The following MYPN variants were observed in gnomAD, a reference collection of about 807,000 sequenced individuals.
MYPN encodes myopalladin, also known as sarcomeric protein myopalladin, 145 kDa (MYOP).
Under a neutral mutation model 129.4 loss-of-function variants are expected in MYPN, and 63 were observed. That is an observed-to-expected ratio of 0.49 (90% CI 0.40 to 0.60). The LOEUF (loss-of-function observed/expected upper bound fraction) is 0.60. Among genes scored for constraint, MYPN ranks in the 20% least tolerant of loss-of-function variants. MYPN has a pLI of 0.00. For synonymous variants in MYPN, 629 were observed against 600.9 expected (o/e 1.05, Z -0.68); for missense variants, 1,596 against 1,635.4 (o/e 0.98, Z 0.42).
At chr10:68,207,333 G>A (rs2043833590) in intron 19 of MYPN, among the ~76,000 whole-genome samples, 1 of 152,138 alleles carries the variant, frequency 6.6e-6, no homozygotes, top group East Asian at 1.9e-4. Context: ...ATATTTTAGT[G>A]CTTAAGAGAT....
chr10:68,180,080 T>G (rs1446093373), intron 12 of MYPN, among the ~76,000 whole-genome samples: 1 of 152,216 alleles, frequency 6.6e-6, no homozygotes, highest in African/African-American at 2.4e-5. Flanking sequence ...TAGCACATAA[T>G]AGGTACTTAC....
chr10:68,099,282 C>G (rs920770821), intron 1 of MYPN, among the ~76,000 whole-genome samples: 1 of 152,126 alleles, frequency 6.6e-6, no homozygotes, highest in Non-Finnish European at 1.5e-5. Context: ...CATGGCCTTT[C>G]TAGTGCTTAA....
At chr10:68,138,031 A>G (rs1272719289) in intron 2 of MYPN, among the ~76,000 whole-genome samples, 1 of 152,122 alleles carries the variant, frequency 6.6e-6, no homozygotes, top group Non-Finnish European at 1.5e-5. Context: ...CAAGGTGGAG[A>G]TTAATAAAAG....
chr10:68,140,584 T>C (rs1393336435), intron 2 of MYPN, among the ~76,000 whole-genome samples: 1 of 151,544 alleles, frequency 6.6e-6, no homozygotes, highest in African/African-American at 2.4e-5. Flanking sequence ...GTGGAGGAGG[T>C]AATATCTGAG....
chr10:68,098,451 A>G lies in MYPN; in HGVS notation c.-2+10459A>G, dbSNP rs541009153. On this transcript the variant is annotated intron_variant, in intron 1 of 6. Transcript: ENST00000685154. ...TTAATTCCAACACATAGTTCACATG[A>G]TTGGTGAACAAATGACAAACAGGCA... 2.0e-5 allele frequency among the ~76,000 whole-genome samples: 3 copies of G among 152,300 alleles called. 1 individual carries two copies. The highest frequency in any genetic ancestry group is 7.2e-5 in the African/African-American group (3 of 41,570).
At chr10:68,207,026 G>A (rs1589619595) in intron 19 of MYPN, 123 bp downstream of exon 19, 4 of 1,230,736 alleles carry the variant, frequency 3.3e-6, no homozygotes, top group African/African-American at 3.0e-5. Flanking sequence ...GGGAGGCCGA[G>A]GCAGGCAGAT....
chr10:68,136,985 T>G (rs1564655729), intron 2 of MYPN, among the ~76,000 whole-genome samples: 1 of 152,170 alleles, frequency 6.6e-6, no homozygotes, highest in African/African-American at 2.4e-5. Context: ...CTTTACAATC[T>G]TAAAAATCAG....
Position 68,201,999 on chromosome 10 carries a change from A to G in MYPN, c.3659+5A>G. 1 of 1,614,028 alleles carries G rather than the reference A, an allele frequency of 6.2e-7. No individual in the cohort carries two copies. The highest frequency in any genetic ancestry group is 1.7e-5 in the Admixed American group (1 of 60,028). ...TTGCACCAGAGAGAGGATCAGGTAC[A>G]GCAGCCACCACATCCAGAGGGACTC... On this transcript the variant is annotated splice_donor_5th_base_variant and intron_variant, in intron 18 of 19. Coordinates refer to ENST00000358913, the MANE Select transcript of MYPN (RefSeq NM_032578.4).
chr10:68,136,489 G>A, intron 2 of MYPN: 1 of 1,267,122 alleles, frequency 7.9e-7, no homozygotes, highest in Non-Finnish European at 1.0e-6. Flanking sequence ...AAAGTCTTCA[G>A]CATAGCAGGG....
chr10:68,130,198 G>A (rs377216816), intron 2 of MYPN, among the ~76,000 whole-genome samples: 7 of 152,002 alleles, frequency 4.6e-5, no homozygotes, highest in Admixed American at 4.6e-4. Context: ...GGTGGCTCAC[G>A]CCTGTAATCC....
At chr10:68,127,275 G>C (rs977743729) in intron 2 of MYPN, among the ~76,000 whole-genome samples, 1 of 149,474 alleles carries the variant, frequency 6.7e-6, no homozygotes, top group Middle Eastern at 3.5e-3. Flanking sequence ...AAAGTGCTGG[G>C]ATTATAGGCG....
At chr10:68,110,225 T>C (rs2042063049) in intron 1 of MYPN, among the ~76,000 whole-genome samples, 2 of 152,204 alleles carry the variant, frequency 1.3e-5, no homozygotes, top group South Asian at 4.1e-4. Context: ...AAAGTCTTGC[T>C]CAAGGGACAT....
rs1337221374 is a variant in MYPN at position 68,121,505 on chromosome 10, GA to G, written c.70del (p.Thr24ProfsTer44). 1 of 1,614,072 alleles carries G rather than the reference GA, an allele frequency of 6.2e-7. No individual in the cohort carries two copies. The highest frequency in any genetic ancestry group is 8.5e-7 in the Non-Finnish European group (1 of 1,180,032). ...SQLLRESYLAETRHRGNNERS... is the reference protein window; with the variant it reads ...SQLLRESYLAXTRHRGNNERS... ...GCTTCTAAGAGAGAGCTATTTAGCT[GA>G]AACCAGACATCGGGGAAACAATGAG... On this transcript the variant is annotated frameshift_variant, in exon 2 of 20. Transcript: ENST00000358913. LOFTEE classifies it high-confidence loss of function.
chr10:68,178,800 A>C (rs2043269005), intron 12 of MYPN, among the ~76,000 whole-genome samples: 2 of 151,828 alleles, frequency 1.3e-5, no homozygotes, highest in African/African-American at 4.8e-5. Flanking sequence ...CTTAGCATGA[A>C]GTTCTGCACC....
At chr10:68,101,212 A>G (rs1368364657), upstream of MYPN, among the ~76,000 whole-genome samples, 1 of 152,230 alleles carries the variant, frequency 6.6e-6, no homozygotes, top group Admixed American at 6.5e-5. Context: ...GTTGAATTCA[A>G]CAATATAAGA....
intron 1 of MYPN, 70 bp downstream of exon 1, chr10:68,109,793 T>C (rs367687792): frequency 7.4e-6 from 3 of 407,146 alleles, no homozygotes; most frequent in African/African-American, 4.1e-5. Context: ...AGCGAATATT[T>C]CAAAGAACTC....
chr10:68,090,989 C>T (rs1251154058), intron 1 of MYPN, among the ~76,000 whole-genome samples: 2 of 152,074 alleles, frequency 1.3e-5, no homozygotes, highest in African/African-American at 4.8e-5. Context: ...AACCAAATTC[C>T]CAAGAGAGTA....
chr10:68,197,585 T>C, intron 16 of MYPN, 107 bp downstream of exon 16: 1 of 1,403,740 alleles, frequency 7.1e-7, no homozygotes, highest in South Asian at 1.2e-5. Context: ...TCAGGAAAGA[T>C]GAGATGGGGA....
At chr10:68,188,275 A>C (rs2043452708) in intron 12 of MYPN, among the ~76,000 whole-genome samples, 1 of 152,008 alleles carries the variant, frequency 6.6e-6, no homozygotes. Flanking sequence ...ACACCCAGCT[A>C]ATTTTTGTAT....
Sources: allele counts gnomAD v4.1 joint callset (sites outside exome capture counted in the v4.1 genomes callset), GRCh38; gene constraint gnomAD v4.1.1; transcripts MANE v1.5; gene names NCBI Gene and HGNC (gene_info 2026-07-23, HGNC 2026-07-21).